Variants in PIBF1 observed in about 807,000 individuals in gnomAD.
PIBF1 encodes the protein progesterone-induced-blocking factor 1.
A neutral mutation model predicts 112.5 loss-of-function variants in PIBF1; 90 were observed. The ratio of observed to expected loss-of-function variants is 0.80; its 90% CI spans 0.67 to 0.95. The LOEUF (loss-of-function observed/expected upper bound fraction) is 0.95, where lower values mean the gene tolerates loss of function less well. PIBF1 is among the 40% of genes least tolerant of loss of function. The pLI, the probability that PIBF1 is intolerant of heterozygous loss-of-function variation, is 0.00. For synonymous variants in PIBF1, 301 were observed against 288.6 expected (o/e 1.04, Z -0.44); for missense variants, 915 against 852.3 (o/e 1.07, Z -0.92).
At chr13:72,928,719 C>T (rs2041613668) in intron 13 of PIBF1, among the ~76,000 whole-genome samples, 2 of 152,192 alleles carry the variant, frequency 1.3e-5, no homozygotes, top group Admixed American at 1.3e-4. Flanking sequence ...GGATTATAGG[C>T]GTGAGCCACC....
intron 13 of PIBF1, among the ~76,000 whole-genome samples, chr13:72,926,440 C>T (rs2041485595): frequency 6.6e-6 from 1 of 152,078 alleles, no homozygotes; most frequent in Non-Finnish European, 1.5e-5. Context: ...AATAATTTTG[C>T]ACATAACTAC....
chr13:73,004,005 G>A (rs146189460), intron 17 of PIBF1, among the ~76,000 whole-genome samples: 1,542 of 152,264 alleles, frequency 0.01, 12 homozygotes, highest in Non-Finnish European at 0.015. Flanking sequence ...ATCAGCCACT[G>A]CACCTGGCCT....
At chr13:72,858,679 A>G (rs1466265561) in intron 10 of PIBF1, among the ~76,000 whole-genome samples, 2 of 152,208 alleles carry the variant, frequency 1.3e-5, no homozygotes, top group South Asian at 2.1e-4. Flanking sequence ...TACCTCATAC[A>G]TATTGAAACT....
rs895284187 is a variant in PIBF1 at position 72,968,132 on chromosome 13, C to T, written c.1964+2728C>T. ...CTGGGAGGCAGAGCTTGCAGTGAGC[C>T]GAGATTGCGCCACTGCACTCCAACC... On this transcript the variant is annotated intron_variant, in intron 15 of 17. Transcript: ENST00000326291. Among the ~76,000 whole-genome samples, 18 of 151,378 alleles carry T rather than the reference C, an allele frequency of 1.2e-4. 1 individual carries two copies. Among genetic ancestry groups the T allele is most frequent in the African/African-American group, 4.1e-4 (17 of 41,334 alleles).
chr13:73,001,728 A>T (rs925996055), intron 17 of PIBF1, among the ~76,000 whole-genome samples: 2 of 150,562 alleles, frequency 1.3e-5, no homozygotes, highest in African/African-American at 2.4e-5. Flanking sequence ...GGTTCAAGTG[A>T]TTCTCCTGCC....
intron 16 of PIBF1, among the ~76,000 whole-genome samples, chr13:72,996,238 C>T (rs892908760): frequency 7.1e-5 from 10 of 140,912 alleles, no homozygotes; most frequent in African/African-American, 2.6e-4. Flanking sequence ...TGGGCCAAGG[C>T]AATCAACTGA....
chr13:72,930,497 A>C (rs2041664426), intron 13 of PIBF1, among the ~76,000 whole-genome samples: 1 of 152,210 alleles, frequency 6.6e-6, no homozygotes, highest in Non-Finnish European at 1.5e-5. Context: ...AATAGATTTT[A>C]TTCTTAAAAT....
At position 72,823,501 on chromosome 13, in the gene PIBF1, AGAAT is replaced by A. The variant is rs567515665; in HGVS notation, c.806+1526_806+1529del. 3.8e-4 allele frequency among the ~76,000 whole-genome samples: 58 copies of A among 152,346 alleles called. 1 individual carries two copies. The South Asian group carries it at 0.012, about 32-fold the overall frequency. On this transcript the variant is annotated intron_variant, in intron 6 of 17. Coordinates refer to ENST00000326291, the MANE Select transcript of PIBF1 (RefSeq NM_006346.4). ...TATGACCCTTTTTAGTTCACTCAGC[AGAAT>A]GAATGAGTTTAAAAACATCGGTCAT...
At chr13:72,850,355 C>T (rs2038078994) in intron 9 of PIBF1, among the ~76,000 whole-genome samples, 1 of 152,222 alleles carries the variant, frequency 6.6e-6, no homozygotes, top group African/African-American at 2.4e-5. Flanking sequence ...CTCTCTTACT[C>T]CAGTAAAGAA....
At chr13:72,809,807 T>A (rs2035922416) in intron 5 of PIBF1, among the ~76,000 whole-genome samples, 1 of 152,100 alleles carries the variant, frequency 6.6e-6, no homozygotes, top group Non-Finnish European at 1.5e-5. Flanking sequence ...CAGGCTGGTC[T>A]CGAACTCCTG....
At chr13:72,977,331 A>G (rs2043048336) in intron 16 of PIBF1, among the ~76,000 whole-genome samples, 2 of 152,146 alleles carry the variant, frequency 1.3e-5, no homozygotes, top group South Asian at 2.1e-4. Context: ...CAGCCCCCCA[A>G]GTAGCTGGGA....
At chr13:72,919,834 G>A (rs1304193667) in intron 13 of PIBF1, among the ~76,000 whole-genome samples, 1 of 152,006 alleles carries the variant, frequency 6.6e-6, no homozygotes, top group Non-Finnish European at 1.5e-5. Context: ...CTGGGCATGG[G>A]GACATCTGCC....
intron 2 of PIBF1, among the ~76,000 whole-genome samples, chr13:72,784,503 A>G (rs1294225350): frequency 6.6e-6 from 1 of 151,808 alleles, no homozygotes; most frequent in South Asian, 2.1e-4. Flanking sequence ...TCACACCTGT[A>G]ATTCCAGCAC....
intron 11 of PIBF1, among the ~76,000 whole-genome samples, chr13:72,896,809 A>G (rs1566419342): frequency 6.6e-6 from 1 of 152,184 alleles, no homozygotes; most frequent in Admixed American, 6.5e-5. Flanking sequence ...ATGTTAAACA[A>G]CCAAACCTAA....
At chr13:72,923,878 T>C (rs113114430) in intron 13 of PIBF1, among the ~76,000 whole-genome samples, 21,103 of 152,160 alleles carry the variant, frequency 0.14, 1,644 homozygotes, top group Non-Finnish European at 0.17. Context: ...GCAGGAGAAT[T>C]GCTTGAACCT....
intron 13 of PIBF1, among the ~76,000 whole-genome samples, chr13:72,919,666 T>C (rs900577311): frequency 6.6e-6 from 1 of 152,060 alleles, no homozygotes; most frequent in African/African-American, 2.4e-5. Flanking sequence ...CAAAAGAATC[T>C]TTGTTACAAG....
intron 16 of PIBF1, among the ~76,000 whole-genome samples, chr13:72,981,437 A>G (rs2043155568): frequency 6.6e-6 from 1 of 152,126 alleles, no homozygotes; most frequent in African/African-American, 2.4e-5. Context: ...GATCCATAGC[A>G]GAGTCATGGG....
chr13:72,835,692 T>C (rs1182243352), intron 9 of PIBF1, among the ~76,000 whole-genome samples: 3 of 152,184 alleles, frequency 2.0e-5, no homozygotes, highest in Admixed American at 2.0e-4. Context: ...CTTCCTGTAT[T>C]ATAGCAACGA....
intron 14 of PIBF1, among the ~76,000 whole-genome samples, chr13:72,951,962 C>T (rs1047458907): frequency 1.3e-4 from 19 of 151,946 alleles, no homozygotes; most frequent in Admixed American, 1.2e-3. Context: ...CCGCTTGCCT[C>T]GGCCTCCCCA....
Sources: gnomAD v4.1 joint callset for allele counts (sites outside exome capture counted in the v4.1 genomes callset) on GRCh38, gnomAD v4.1.1 for gene constraint, MANE v1.5 for transcripts, NCBI Gene and HGNC (gene_info 2026-07-23, HGNC 2026-07-21) for gene names.